The following ADGRE3 variants were observed in gnomAD, a reference collection of about 807,000 sequenced individuals.
ADGRE3 encodes adhesion G protein-coupled receptor E3, also known as EGF-like module receptor 3.
In ADGRE3, 88 loss-of-function variants were observed where a neutral mutation model predicts 80.1. The observed-to-expected ratio is 1.10, with a 90% CI of 0.93 to 1.31. The LOEUF (loss-of-function observed/expected upper bound fraction) is 1.31. ADGRE3 is among the 40% of genes most tolerant of loss of function. ADGRE3 has a pLI of 0.00. For synonymous variants in ADGRE3, 281 were observed against 294.8 expected (o/e 0.95, Z 0.48); for missense variants, 715 against 776.5 (o/e 0.92, Z 0.94).
In ADGRE3 at chr19:14,619,213, A is replaced by G. The variant is rs919632760; in HGVS notation, c.*220T>C. On this transcript the variant is annotated 3_prime_UTR_variant, in exon 16 of 16. Transcript: ENST00000253673. ...GTGGTCATGCTTTGGGTTTCCAGGGACAAGCATTGACTGAATACACCATAG... is the reference window on the plus strand; with the variant it reads ...GTGGTCATGCTTTGGGTTTCCAGGGGCAAGCATTGACTGAATACACCATAG... 1.9e-6 allele frequency: 1 copy of G among 525,910 alleles called. No homozygotes were observed. The highest frequency in any genetic ancestry group is 2.0e-5 in the African/African-American group (1 of 50,198). 32.6% of individuals were successfully genotyped at this position (525,910 alleles called of 1,614,324 possible). A position where few individuals can be genotyped will look rare whatever the true frequency, so the allele number is the denominator to read the frequency against.
chr19:14,641,564 A>G lies in ADGRE3; in HGVS notation c.1103T>C (p.Leu368Pro), dbSNP rs1368254699. The part of the protein sequence containing the change: ...VITYVGLSVS[L>P]LCLLLAALTF... ...GAGGGCCGCCAGGAGGAGGCACAGC[A>G]GAGAGACGCTCAGCCCCACGTAGGT... The change falls in exon 10 of 16, where the codon CTG becomes CCG. Residue 368 changes from leucine (L) to proline (P), a missense_variant. By Grantham distance (98) the Leu-to-Pro change is moderately conservative (BLOSUM62 -3). Transcript: ENST00000253673. The G allele has an allele frequency of 6.2e-7, 1 of 1,614,094 alleles. No individual in the cohort carries two copies. The highest frequency in any genetic ancestry group is 8.5e-7 in the Non-Finnish European group (1 of 1,180,048).
the ADGRE3 span, chr19:14,611,287 T>C: frequency 6.6e-6 from 1 of 151,956 alleles, no homozygotes; most frequent in Non-Finnish European, 1.5e-5. Flanking sequence ...CCAGCAACTT[T>C]CTCAATGTCT....
chr19:14,641,723 G>T, intron 9 of ADGRE3, 107 bp from the exon 10 acceptor site: 1 of 1,376,728 alleles, frequency 7.3e-7, no homozygotes, highest in Non-Finnish European at 1.0e-6. Context: ...CAGTGGTAGT[G>T]TGGGACCGTT....
chr19:14,632,447 T>C (rs1179731803), intron 13 of ADGRE3, among the ~76,000 whole-genome samples: 1 of 152,182 alleles, frequency 6.6e-6, no homozygotes, highest in African/African-American at 2.4e-5. Context: ...AGAGACTACA[T>C]TTCCCAGCCT....
chr19:14,611,602 G>A, the ADGRE3 span, among the ~76,000 whole-genome samples: 20 of 152,124 alleles, frequency 1.3e-4, no homozygotes, highest in African/African-American at 4.3e-4. Context: ...ACATAGTGTG[G>A]CCAGGCAGGC....
chr19:14,648,576 G>A (rs566565653), intron 7 of ADGRE3, among the ~76,000 whole-genome samples: 64 of 152,216 alleles, frequency 4.2e-4, no homozygotes, highest in African/African-American at 1.5e-3. Flanking sequence ...CATTTTACAT[G>A]TCCACTTGGT....
chr19:14,637,123 A>G (rs1395811319), intron 11 of ADGRE3, among the ~76,000 whole-genome samples: 1 of 152,086 alleles, frequency 6.6e-6, no homozygotes, highest in Non-Finnish European at 1.5e-5. Context: ...AACAAAAAAA[A>G]TTAAGTTTCC....
Position 14,637,559 on chromosome 19 carries a change from A to ATT in ADGRE3, c.1484+544_1484+545dup, listed in dbSNP as rs35923982. On this transcript the variant is annotated intron_variant, in intron 11 of 15. Transcript: ENST00000253673. ...CAGGTGTGAACCACCATGCTTGGCT[A>ATT]TTTTTTTTTTTTTTAATCTTTAGTA... is the stretch of plus-strand genomic sequence containing the variant. 2.1e-3 allele frequency among the ~76,000 whole-genome samples: 305 copies of ATT among 146,650 alleles called. 2 individuals are homozygous for ATT. Among genetic ancestry groups the ATT allele is most frequent in the African/African-American group, 7.1e-3 (282 of 39,772 alleles).
chr19:14,641,275 C>T (rs187211945), intron 10 of ADGRE3, 144 bp downstream of exon 10: 47 of 972,836 alleles, frequency 4.8e-5, no homozygotes, highest in African/African-American at 3.1e-4. Context: ...GTCCCAGCTA[C>T]GATCTCAGAA....
At chr19:14,627,660 C>T (rs190900997) in intron 14 of ADGRE3, among the ~76,000 whole-genome samples, 13 of 151,874 alleles carry the variant, frequency 8.6e-5, no homozygotes, top group South Asian at 4.2e-4. Flanking sequence ...ATTACAGGCA[C>T]GAGCCACCAC....
At chr19:14,607,676 G>A in the ADGRE3 span, among the ~76,000 whole-genome samples, 172 of 151,950 alleles carry the variant, frequency 1.1e-3, no homozygotes, top group South Asian at 0.026. Flanking sequence ...CCCAGGTAGA[G>A]GTTGATTCTT....
intron 11 of ADGRE3, among the ~76,000 whole-genome samples, chr19:14,635,149 T>G (rs1346448437): frequency 6.6e-6 from 1 of 152,170 alleles, no homozygotes; most frequent in East Asian, 1.9e-4. Context: ...CAGGCTGTGG[T>G]GCAGTTGCTC....
intron 15 of ADGRE3, among the ~76,000 whole-genome samples, chr19:14,620,589 T>TTTTTTTTTTTTTTG (rs1970578594): frequency 1.9e-5 from 1 of 52,554 alleles, no homozygotes; most frequent in Non-Finnish European, 3.7e-5. Flanking sequence ...TTTTTTTTTT[T>TTTTTTTTTTTTTTG]TTTTTTTTGA....
At chr19:14,660,930 A>T (rs1389684462) in intron 4 of ADGRE3, among the ~76,000 whole-genome samples, 3 of 135,350 alleles carry the variant, frequency 2.2e-5, no homozygotes, top group Non-Finnish European at 3.1e-5. Context: ...GTTGGTGGTC[A>T]TATTTCCTTT....
chr19:14,674,796 A>T lies in ADGRE3; in HGVS notation c.-26T>A. ...TTCTGTGGTACGGGTATCCCACGCC[A>T]GCCAGCCCTGGAAGCTCTCTACTGT... On this transcript the variant is annotated 5_prime_UTR_variant, in exon 1 of 16. Coordinates refer to ENST00000253673, the MANE Select transcript of ADGRE3 (RefSeq NM_032571.5). 6.2e-7 allele frequency: 1 copy of T among 1,613,416 alleles called. No individual in the cohort carries two copies. Among genetic ancestry groups the T allele is most frequent in the South Asian group, 1.1e-5 (1 of 90,984 alleles).
intron 4 of ADGRE3, among the ~76,000 whole-genome samples, chr19:14,661,195 G>T (rs1366397766): frequency 1.3e-5 from 2 of 152,124 alleles, no homozygotes; most frequent in Non-Finnish European, 2.9e-5. Context: ...ACCCGCCTTG[G>T]CCTCCCAAAG....
intron 14 of ADGRE3, among the ~76,000 whole-genome samples, chr19:14,626,947 G>A (rs1052306479): frequency 1.3e-5 from 2 of 152,146 alleles, no homozygotes; most frequent in Non-Finnish European, 2.9e-5. Flanking sequence ...TGGGCAGTAC[G>A]AAGCCTTCAG....
At chr19:14,661,082 C>T (rs930717107) in intron 4 of ADGRE3, among the ~76,000 whole-genome samples, 3 of 151,508 alleles carry the variant, frequency 2.0e-5, no homozygotes, top group African/African-American at 7.3e-5. Context: ...GCTGGGATTA[C>T]AGGCACCCGC....
chr19:14,636,011 T>TCC (rs1217787544), intron 11 of ADGRE3, among the ~76,000 whole-genome samples: 6,288 of 28,100 alleles, frequency 0.22, 838 homozygotes, highest in African/African-American at 0.28. Flanking sequence ...TTCTCTTTCT[T>TCC]TCTTCCTTCC....
Sources: allele counts gnomAD v4.1 joint callset (sites outside exome capture counted in the v4.1 genomes callset), GRCh38; gene constraint gnomAD v4.1.1; transcripts MANE v1.5; gene names NCBI Gene and HGNC (gene_info 2026-07-23, HGNC 2026-07-21).